Variants in NNMT observed in about 807,000 individuals in gnomAD.
NNMT encodes the protein nicotinamide N-methyltransferase.
A neutral mutation model predicts 11.7 loss-of-function variants in NNMT; 10 were observed. The ratio of observed to expected loss-of-function variants is 0.85; its 90% CI spans 0.53 to 1.45. NNMT has a LOEUF of 1.45. NNMT is among the 40% of genes most tolerant of loss of function. The probability of loss-of-function intolerance (pLI) is 0.00; values close to 1 mark genes in which losing one functional copy is unlikely to be tolerated. For missense variants in NNMT, 381 were observed against 319.4 expected, an observed-to-expected ratio of 1.19 and a Z score of -1.47; for synonymous variants, 143 against 133.8, an observed-to-expected ratio of 1.07 and a Z score of -0.48.
chr11:114,280,190 A>G (rs1945249231), intron 2 of NNMT, among the ~76,000 whole-genome samples: 1 of 152,136 alleles, frequency 6.6e-6, no homozygotes, highest in South Asian at 2.1e-4. Flanking sequence ...ATGAGAAAAT[A>G]AACAAATAAA....
intron 2 of NNMT, chr11:114,269,413 C>T (rs1219889228): frequency 6.6e-6 from 1 of 152,172 alleles, no homozygotes; most frequent in Non-Finnish European, 1.5e-5. Flanking sequence ...CTCAACAATC[C>T]CTAATAATTC....
intron 2 of NNMT, among the ~76,000 whole-genome samples, chr11:114,282,637 A>C (rs1945270440): frequency 6.6e-6 from 1 of 152,196 alleles, no homozygotes; most frequent in East Asian, 1.9e-4. Flanking sequence ...AGATTAATGT[A>C]TGGCACTACT....
intron 2 of NNMT, among the ~76,000 whole-genome samples, chr11:114,306,141 T>G (rs1945490253): frequency 6.6e-6 from 1 of 152,240 alleles, no homozygotes. Flanking sequence ...GCTGCATAAA[T>G]GTCTTCTTTT....
intron 2 of NNMT, among the ~76,000 whole-genome samples, chr11:114,272,439 T>A (rs943214330): frequency 2.0e-5 from 3 of 152,132 alleles, no homozygotes; most frequent in African/African-American, 7.2e-5. Context: ...GGGAGGTGGG[T>A]GAGACCCACC....
At chr11:114,284,969 T>C (rs1945287631) in intron 2 of NNMT, among the ~76,000 whole-genome samples, 1 of 151,834 alleles carries the variant, frequency 6.6e-6, no homozygotes, top group Non-Finnish European at 1.5e-5. Flanking sequence ...AGTTTCATCA[T>C]GTTGGCGAGG....
At chr11:114,274,331 A>G (rs1226054632) in intron 2 of NNMT, among the ~76,000 whole-genome samples, 1 of 152,262 alleles carries the variant, frequency 6.6e-6, no homozygotes, top group Non-Finnish European at 1.5e-5. Flanking sequence ...CCCTGAGGCC[A>G]CCATTATCAG....
At chr11:114,282,762 A>C (rs1447443008) in intron 2 of NNMT, among the ~76,000 whole-genome samples, 1 of 152,118 alleles carries the variant, frequency 6.6e-6, no homozygotes, top group Non-Finnish European at 1.5e-5. Flanking sequence ...AGAGCCACAC[A>C]ATGGAAGAAG....
At chr11:114,297,414 T>C (rs1945392337) in intron 1 of NNMT, 1 of 152,048 alleles carries the variant, frequency 6.6e-6, no homozygotes, top group Non-Finnish European at 1.5e-5. Context: ...ACATTTTTAG[T>C]CTTTTTGATA....
Position 114,296,611 on chromosome 11 carries a change from G to C in NNMT, c.55G>C (p.Asp19His). 6.2e-7 allele frequency: 1 copy of C among 1,614,124 alleles called. No homozygotes were observed. Among genetic ancestry groups the C allele is most frequent in the Non-Finnish European group, 8.5e-7 (1 of 1,180,026 alleles). Residue 19 changes from aspartate to histidine, a missense_variant, in exon 1 of 3, where the codon GAT becomes CAT. Physicochemically the swap from Asp to His is moderately conservative, Grantham distance 81 (BLOSUM62 -1). Coordinates refer to ENST00000299964, the MANE Select transcript of NNMT (RefSeq NM_006169.3). Reference sequence around the variant, plus strand: ...CTATCTAAGCCATTTTAACCCTCGGGATTACCTAGAAAAATATTACAAGTT... The same window carrying C: ...CTATCTAAGCCATTTTAACCCTCGGCATTACCTAGAAAAATATTACAAGTT... Reference protein sequence around the residue: ...DTYLSHFNPRDYLEKYYKFGS... With the variant: ...DTYLSHFNPRHYLEKYYKFGS...
chr11:114,303,520 T>C (rs1375812338), intron 2 of NNMT, among the ~76,000 whole-genome samples: 1 of 152,230 alleles, frequency 6.6e-6, no homozygotes, highest in Non-Finnish European at 1.5e-5. Context: ...TTTCTAGATA[T>C]TGAGTCTTTA....
At chr11:114,263,165 T>C (rs564129303) in intron 2 of NNMT, among the ~76,000 whole-genome samples, 4 of 152,354 alleles carry the variant, frequency 2.6e-5, no homozygotes, top group Admixed American at 1.3e-4. Context: ...CTGAATTCTC[T>C]GGCACAGCTG....
chr11:114,283,267 A>G (rs1429198423), intron 2 of NNMT, among the ~76,000 whole-genome samples: 3 of 152,182 alleles, frequency 2.0e-5, no homozygotes, highest in Non-Finnish European at 4.4e-5. Context: ...CAATCTGGGT[A>G]TCTGCTCCTG....
At chr11:114,270,330 A>G (rs1945160386) in intron 2 of NNMT, 1 of 152,214 alleles carries the variant, frequency 6.6e-6, no homozygotes, top group Non-Finnish European at 1.5e-5. Flanking sequence ...ACGTGTGAAC[A>G]GAGGAAACCT....
chr11:114,303,652 C>G (rs1945460660), intron 2 of NNMT, among the ~76,000 whole-genome samples: 2 of 152,176 alleles, frequency 1.3e-5, no homozygotes, highest in African/African-American at 2.4e-5. Context: ...TACACATGAA[C>G]AAAATCATAA....
Position 114,312,511 on chromosome 11 carries a change from C to G in NNMT, c.*34C>G, listed in dbSNP as rs1453018678. The G allele has an allele frequency of 6.3e-7, 1 of 1,587,308 alleles. No individual in the cohort carries two copies. Among genetic ancestry groups the G allele is most frequent in the Non-Finnish European group, 8.6e-7 (1 of 1,164,774 alleles). On this transcript the variant is annotated 3_prime_UTR_variant, in exon 3 of 3. Coordinates refer to ENST00000299964, the MANE Select transcript of NNMT (RefSeq NM_006169.3). The stretch of plus-strand genomic sequence containing the variant: ...ACCTCAATTAAAGCAATTCCTTTGA[C>G]CTGTCCAGTTGACTTTAGTCCTTGT...
intron 2 of NNMT, chr11:114,270,284 C>T (rs1374154085): frequency 1.3e-5 from 2 of 152,150 alleles, no homozygotes; most frequent in Non-Finnish European, 2.9e-5. Flanking sequence ...TTATTAATTA[C>T]ATTTTAATAT....
chr11:114,298,266 G>C (rs1341051964), intron 2 of NNMT, 108 bp downstream of exon 2: 2 of 908,568 alleles, frequency 2.2e-6, no homozygotes, highest in African/African-American at 1.7e-5. Flanking sequence ...GAGAATGAGT[G>C]GTAACGAGAG....
intron 2 of NNMT, among the ~76,000 whole-genome samples, chr11:114,289,338 A>C (rs1288405110): frequency 6.6e-6 from 1 of 152,162 alleles, no homozygotes; most frequent in Non-Finnish European, 1.5e-5. Context: ...TCAGAGAACC[A>C]ACTTTTGGAC....
chr11:114,272,584 C>T (rs1048627301), intron 2 of NNMT, among the ~76,000 whole-genome samples: 4 of 152,174 alleles, frequency 2.6e-5, no homozygotes, highest in Non-Finnish European at 5.9e-5. Context: ...AGATTTCCTG[C>T]CCCCATAAAG....
Sources: allele counts gnomAD v4.1 joint callset (sites outside exome capture counted in the v4.1 genomes callset), GRCh38; gene constraint gnomAD v4.1.1; transcripts MANE v1.5; gene names NCBI Gene and HGNC (gene_info 2026-07-23, HGNC 2026-07-21).